GABRG3: variants seen among roughly 807,000 people sequenced by gnomAD.
GABRG3 encodes the protein gamma-aminobutyric acid type A receptor subunit gamma3, also known as gamma-aminobutyric acid receptor subunit gamma-3.
A neutral mutation model predicts 48.8 loss-of-function variants in GABRG3; 25 were observed. The ratio of observed to expected loss-of-function variants is 0.51; its 90% CI spans 0.37 to 0.72. GABRG3 has a LOEUF of 0.72. Ranked by LOEUF, GABRG3 falls within the 30% of genes least tolerant of loss-of-function variation. The probability of loss-of-function intolerance (pLI) is 0.00; values close to 1 mark genes in which losing one functional copy is unlikely to be tolerated. For missense variants in GABRG3, 394 were observed against 577.9 expected (o/e 0.68, Z 3.26); for synonymous variants, 227 against 217.6 (o/e 1.04, Z -0.38).
chr15:27,345,149 T>C (rs945906294), intron 5 of GABRG3, among the ~76,000 whole-genome samples: 1 of 152,232 alleles, frequency 6.6e-6, no homozygotes, highest in Non-Finnish European at 1.5e-5. Flanking sequence ...TTTAATCTAC[T>C]GTGACAATCT....
intron 3 of GABRG3, among the ~76,000 whole-genome samples, chr15:27,295,363 T>G (rs1891947109): frequency 6.6e-6 from 1 of 152,122 alleles, no homozygotes; most frequent in African/African-American, 2.4e-5. Context: ...GATTTTAAGA[T>G]TTGCTAGACC....
intron 6 of GABRG3, among the ~76,000 whole-genome samples, chr15:27,505,881 T>C (rs1440581997): frequency 6.6e-6 from 1 of 152,200 alleles, no homozygotes; most frequent in Non-Finnish European, 1.5e-5. Context: ...TAGTGAAGCC[T>C]TCTGTGATTT....
intron 3 of GABRG3, among the ~76,000 whole-genome samples, chr15:27,190,845 C>T (rs1477489295): frequency 6.6e-6 from 1 of 152,014 alleles, no homozygotes; most frequent in Non-Finnish European, 1.5e-5. Context: ...ATCTTTCCTG[C>T]TTTCTCTCGT....
chr15:27,374,083 G>C (rs1427243143), intron 5 of GABRG3, among the ~76,000 whole-genome samples: 1 of 142,412 alleles, frequency 7.0e-6, no homozygotes, highest in African/African-American at 2.6e-5. Context: ...AATTATCTTT[G>C]TCAAAAGGAG....
intron 3 of GABRG3, among the ~76,000 whole-genome samples, chr15:27,303,745 C>T (rs564257513): frequency 3.4e-5 from 5 of 148,646 alleles, no homozygotes; most frequent in Admixed American, 2.7e-4. Flanking sequence ...TATATATATC[C>T]GTGTGTGTAT....
At chr15:27,487,039 G>A (rs772347692) in intron 6 of GABRG3, among the ~76,000 whole-genome samples, 2 of 152,096 alleles carry the variant, frequency 1.3e-5, no homozygotes, top group African/African-American at 2.4e-5. Context: ...TGCAATCTGG[G>A]TAATATATCA....
intron 3 of GABRG3, among the ~76,000 whole-genome samples, chr15:27,268,606 T>C (rs931667373): frequency 2.0e-5 from 3 of 152,222 alleles, no homozygotes; most frequent in Non-Finnish European, 2.9e-5. Context: ...TTTCTTAAGG[T>C]GAAAGCTGAG....
At chr15:27,435,097 G>A (rs886562076) in intron 5 of GABRG3, among the ~76,000 whole-genome samples, 5 of 151,814 alleles carry the variant, frequency 3.3e-5, no homozygotes, top group African/African-American at 1.2e-4. Flanking sequence ...CCCCACTTTT[G>A]TAGGTCTCTT....
chr15:27,209,552 C>G (rs1035916152), intron 3 of GABRG3, among the ~76,000 whole-genome samples: 10 of 152,258 alleles, frequency 6.6e-5, no homozygotes, highest in African/African-American at 2.4e-4. Context: ...GGGCTGCCCT[C>G]AAGACAAGGA....
chr15:27,440,750 A>G (rs1364102240), intron 5 of GABRG3, among the ~76,000 whole-genome samples: 1 of 152,220 alleles, frequency 6.6e-6, no homozygotes. Context: ...TGTCCAAGGC[A>G]AGGATGGAAT....
At chr15:27,103,526 A>T (rs1897396534) in intron 3 of GABRG3, among the ~76,000 whole-genome samples, 1 of 152,200 alleles carries the variant, frequency 6.6e-6, no homozygotes, top group Non-Finnish European at 1.5e-5. Flanking sequence ...GAAGCAACAG[A>T]ACCACCTTAA....
At chr15:27,169,959 A>G (rs1887510185) in intron 3 of GABRG3, among the ~76,000 whole-genome samples, 1 of 152,208 alleles carries the variant, frequency 6.6e-6, no homozygotes, top group Admixed American at 6.5e-5. Context: ...CTTACCAACA[A>G]AAATCCTGTA....
chr15:27,105,117 TA>T (rs1455981608), intron 3 of GABRG3, among the ~76,000 whole-genome samples: 3 of 152,194 alleles, frequency 2.0e-5, no homozygotes, highest in Admixed American at 6.5e-5. Flanking sequence ...ATTAAAAATT[TA>T]AAAGCAGGAG....
intron 3 of GABRG3, among the ~76,000 whole-genome samples, chr15:27,062,348 G>A (rs1356573089): frequency 2.0e-5 from 3 of 150,374 alleles, no homozygotes; most frequent in African/African-American, 7.4e-5. Context: ...TGTAATCCCA[G>A]CACTTCAGGA....
chr15:27,073,664 T>C (rs1416424043), intron 3 of GABRG3, among the ~76,000 whole-genome samples: 1 of 152,254 alleles, frequency 6.6e-6, no homozygotes, highest in African/African-American at 2.4e-5. Flanking sequence ...TAGTTAGCTA[T>C]TGCTATTTAA....
At chr15:27,206,309 A>C (rs1342499136) in intron 3 of GABRG3, among the ~76,000 whole-genome samples, 1 of 152,078 alleles carries the variant, frequency 6.6e-6, no homozygotes, top group Non-Finnish European at 1.5e-5. Flanking sequence ...TTCCTTCTTT[A>C]CCCAAAAGTC....
intron 5 of GABRG3, among the ~76,000 whole-genome samples, chr15:27,456,121 T>A (rs1889268750): frequency 1.3e-5 from 2 of 152,288 alleles, no homozygotes; most frequent in South Asian, 4.2e-4. Flanking sequence ...GATTCTGTTT[T>A]CTGACTCACT....
At chr15:27,281,729 A>G (rs1891440592) in intron 3 of GABRG3, among the ~76,000 whole-genome samples, 2 of 151,804 alleles carry the variant, frequency 1.3e-5, no homozygotes, top group African/African-American at 4.8e-5. Flanking sequence ...TATATCCTCT[A>G]CATACATAGG....
chr15:27,084,214 C>A (rs1897038595), intron 3 of GABRG3, among the ~76,000 whole-genome samples: 1 of 152,226 alleles, frequency 6.6e-6, no homozygotes, highest in South Asian at 2.1e-4. Context: ...CCATCTTGTC[C>A]TTGAGCCTTT....
Sources: allele counts gnomAD v4.1 joint callset (sites outside exome capture counted in the v4.1 genomes callset), GRCh38; gene constraint gnomAD v4.1.1; transcripts MANE v1.5; gene names NCBI Gene and HGNC (gene_info 2026-07-23, HGNC 2026-07-21).